Variants in USP14 observed in about 807,000 individuals in gnomAD.
USP14 encodes the protein ubiquitin specific peptidase 14.
A neutral mutation model predicts 76.5 loss-of-function variants in USP14; 38 were observed. The ratio of observed to expected loss-of-function variants is 0.50; its 90% CI spans 0.38 to 0.65. USP14 has a LOEUF of 0.65. Ranked by LOEUF, USP14 falls within the 30% of genes least tolerant of loss-of-function variation. The probability of loss-of-function intolerance (pLI) is 0.00; values close to 1 mark genes in which losing one functional copy is unlikely to be tolerated. For missense variants in USP14, 467 were observed against 586.5 expected (o/e 0.80, Z 2.10); for synonymous variants, 192 against 191.7 (o/e 1.00, Z -0.01).
At chr18:203,273 T>A in intron 12 of USP14, 83 bp downstream of exon 12, 3 of 1,236,346 alleles carry the variant, frequency 2.4e-6, no homozygotes, top group Non-Finnish European at 3.5e-6. Context: ...ATTATTCCTT[T>A]AGGAATAGTT....
intron 3 of USP14, among the ~76,000 whole-genome samples, chr18:172,152 C>T (rs778934007): frequency 1.2e-4 from 18 of 152,076 alleles, no homozygotes; most frequent in Non-Finnish European, 2.4e-4. Flanking sequence ...GCAGTAGGAT[C>T]GCTTAAGCCT....
intron 3 of USP14, among the ~76,000 whole-genome samples, chr18:169,110 G>T (rs1909365081): frequency 6.7e-6 from 1 of 149,454 alleles, no homozygotes; most frequent in Admixed American, 6.7e-5. Flanking sequence ...GGACATCTTG[G>T]CTGGGTGTGG....
chr18:195,923 C>T (rs530749995), intron 6 of USP14, among the ~76,000 whole-genome samples: 107 of 152,228 alleles, frequency 7.0e-4, no homozygotes, highest in African/African-American at 2.5e-3. Context: ...AAGTTGTTTA[C>T]AGCTAGTGAT....
chr18:205,496 A>C (rs941568385), intron 13 of USP14, among the ~76,000 whole-genome samples: 1 of 152,180 alleles, frequency 6.6e-6, no homozygotes, highest in African/African-American at 2.4e-5. Context: ...AAAGTTGGCC[A>C]GGCATGGTGG....
At chr18:195,369 G>C (rs930874876) in intron 6 of USP14, among the ~76,000 whole-genome samples, 2 of 99,542 alleles carry the variant, frequency 2.0e-5, no homozygotes, top group African/African-American at 7.0e-5. Context: ...CCCCTGCTTT[G>C]TGCTAAGATG....
chr18:196,659 C>T lies in USP14; in HGVS notation c.486C>T (p.Ser162=). 1 of 1,613,408 alleles carries T rather than the reference C, an allele frequency of 6.2e-7. No individual in the cohort carries two copies. Among genetic ancestry groups the T allele is most frequent in the Non-Finnish European group, 8.5e-7 (1 of 1,179,708 alleles). The change falls in exon 7 of 16, where the codon TCC becomes TCT. Residue 162 remains serine, a synonymous_variant. Coordinates refer to ENST00000261601, the MANE Select transcript of USP14 (RefSeq NM_005151.4). ...ITAALRDLFD[S]MDKTSSSIPP... is the part of the protein sequence containing the mutation. ...AAGCCCTTAGAGATTTGTTTGATTCCATGGATAAAACTTCTTCCAGTATTC... is the reference window on the plus strand; with the variant it reads ...AAGCCCTTAGAGATTTGTTTGATTCTATGGATAAAACTTCTTCCAGTATTC...
At chr18:164,366 G>C (rs1436460221) in intron 2 of USP14, among the ~76,000 whole-genome samples, 1 of 151,146 alleles carries the variant, frequency 6.6e-6, no homozygotes, top group Admixed American at 6.6e-5. Context: ...AAGCACTTCA[G>C]CATTTTTACC....
chr18:161,617 T>C (rs1909121393), intron 1 of USP14, among the ~76,000 whole-genome samples: 1 of 152,160 alleles, frequency 6.6e-6, no homozygotes, highest in Non-Finnish European at 1.5e-5. Context: ...TTCCCAATGC[T>C]TTGTACCGGG....
At chr18:173,257 G>A (rs552913278) in intron 3 of USP14, among the ~76,000 whole-genome samples, 65 of 150,788 alleles carry the variant, frequency 4.3e-4, no homozygotes, top group South Asian at 1.9e-3. Flanking sequence ...ACAGGTGCCT[G>A]CCACCACACC....
intron 4 of USP14, 137 bp from the exon 5 acceptor site, chr18:180,099 A>G: frequency 2.0e-6 from 1 of 493,386 alleles, no homozygotes; most frequent in Non-Finnish European, 3.5e-6. Context: ...CTTTAGCGTG[A>G]AGGCAGAATA....
At position 197,665 on chromosome 18, in the gene USP14, T is replaced by C; in HGVS notation, c.644T>C (p.Leu215Ser). The C allele has an allele frequency of 1.9e-6, 3 of 1,612,980 alleles. No individual in the cohort carries two copies. The highest frequency in any genetic ancestry group is 2.5e-6 in the Non-Finnish European group (3 of 1,179,422). The stretch of plus-strand genomic sequence containing the variant: ...ATGATGCGAGTATTGCAACAGAAAT[T>C]GGAAGCAATAGAGGATGATTCTGTT... ...IQMMRVLQQK[L>S]EAIEDDSVKE... The change falls in exon 8 of 16, where the codon TTG becomes TCG. Residue 215 changes from leucine (L) to serine (S), a missense_variant. Coordinates refer to ENST00000261601, the MANE Select transcript of USP14 (RefSeq NM_005151.4).
intron 3 of USP14, among the ~76,000 whole-genome samples, chr18:169,764 C>G (rs1185598395): frequency 6.6e-6 from 1 of 152,142 alleles, no homozygotes; most frequent in Non-Finnish European, 1.5e-5. Context: ...CACTTCATGT[C>G]TCTTTGTCAC....
At chr18:190,231 GA>G (rs1910049574) in intron 5 of USP14, among the ~76,000 whole-genome samples, 1 of 152,072 alleles carries the variant, frequency 6.6e-6, no homozygotes, top group South Asian at 2.1e-4. Context: ...TGGTGATTAT[GA>G]AAAAATATAC....
Position 176,195 on chromosome 18 carries a change from C to T in USP14, c.196-2738C>T, listed in dbSNP as rs1042642997. 5.3e-5 allele frequency among the ~76,000 whole-genome samples: 8 copies of T among 150,714 alleles called. No individual in the cohort carries two copies. In the East Asian group the frequency reaches 1.2e-3, roughly 22 times the overall value. On this transcript the variant is annotated intron_variant, in intron 3 of 15. Transcript: ENST00000261601. ...CATTTGGCCTGTTCATTTATTACTT[C>T]GTTTATTTTTTCTCTTTGCTTTCTT...
intron 3 of USP14, among the ~76,000 whole-genome samples, chr18:175,799 C>T (rs1280986044): frequency 1.3e-5 from 2 of 152,042 alleles, no homozygotes; most frequent in Non-Finnish European, 2.9e-5. Flanking sequence ...TCCCACTCCA[C>T]TGGGATATTT....
intron 3 of USP14, among the ~76,000 whole-genome samples, chr18:168,907 TAAAAA>T (rs372757246): frequency 6.8e-6 from 1 of 147,000 alleles, no homozygotes; most frequent in Non-Finnish European, 1.5e-5. Context: ...CCGTCTCTAC[TAAAAA>T]AAAAATACAA....
intron 1 of USP14, among the ~76,000 whole-genome samples, chr18:161,733 A>G (rs1598260600): frequency 6.6e-6 from 1 of 152,220 alleles, no homozygotes; most frequent in South Asian, 2.1e-4. Flanking sequence ...TTGGAAAGCA[A>G]TTAACAGTTG....
chr18:198,043 G>A lies in USP14; in HGVS notation c.676-4G>A, dbSNP rs1910286478. The A allele has an allele frequency of 3.1e-6, 5 of 1,600,124 alleles. No homozygotes were observed. The highest frequency in any genetic ancestry group is 1.1e-5 in the South Asian group (1 of 88,300). On this transcript the variant is annotated splice_region_variant and splice_polypyrimidine_tract_variant and intron_variant, in intron 8 of 15. Transcript: ENST00000261601. Reference sequence around the variant, plus strand: ...AGTTGGAATTTTTATTTTAATTTTTGCAGACAGACTCCTCATCTGCATCGG... The same window carrying A: ...AGTTGGAATTTTTATTTTAATTTTTACAGACAGACTCCTCATCTGCATCGG...
chr18:179,766 A>AT lies in USP14; in HGVS notation c.301-455dup, dbSNP rs1277005564. Among the ~76,000 whole-genome samples the AT allele has an allele frequency of 2.3e-3, 310 of 135,778 alleles. 1 individual carries two copies. Among genetic ancestry groups the AT allele is most frequent in the Middle Eastern group, 7.5e-3 (2 of 266 alleles). 89.1% of individuals were successfully genotyped at this position (135,778 alleles called of 152,430 possible). ...TCATGCCCAGCAAATAAAAAAAAAA[A>AT]TTTTTTTTTTTTTTTGTAGAGATGG... On this transcript the variant is annotated intron_variant, in intron 4 of 15. Transcript: ENST00000261601.
Sources: allele counts gnomAD v4.1 joint callset (sites outside exome capture counted in the v4.1 genomes callset), GRCh38; gene constraint gnomAD v4.1.1; transcripts MANE v1.5; gene names NCBI Gene and HGNC (gene_info 2026-07-23, HGNC 2026-07-21).